Variants in NFATC2 observed in about 807,000 individuals in gnomAD.
The protein encoded by NFATC2 is nuclear factor of activated T-cells, cytoplasmic 2.
NFATC2 carries 22 observed loss-of-function variants against 87.3 expected under a neutral mutation model. That is an observed-to-expected ratio of 0.25 (90% CI 0.18 to 0.36). NFATC2 has a LOEUF of 0.36. NFATC2 is among the 10% of genes least tolerant of loss of function. The pLI is 1.00. For synonymous variants in NFATC2, 565 were observed against 542.2 expected, an observed-to-expected ratio of 1.04 and a Z score of -0.58; for missense variants, 1,149 against 1,259.1, an observed-to-expected ratio of 0.91 and a Z score of 1.32.
chr20:51,408,580 A>C (rs1247231724), intron 9 of NFATC2, among the ~76,000 whole-genome samples: 1 of 151,972 alleles, frequency 6.6e-6, no homozygotes, highest in Non-Finnish European at 1.5e-5. Context: ...GATATTTACA[A>C]CACCAACAGA....
At chr20:51,545,799 G>T (rs937068010), upstream of NFATC2, among the ~76,000 whole-genome samples, 2 of 151,168 alleles carry the variant, frequency 1.3e-5, no homozygotes, top group Non-Finnish European at 2.9e-5. Context: ...GAGGATAAAT[G>T]GATAAATGGA....
chr20:51,439,823 A>G (rs1984071491), intron 6 of NFATC2, among the ~76,000 whole-genome samples: 1 of 152,200 alleles, frequency 6.6e-6, no homozygotes, highest in Non-Finnish European at 1.5e-5. Context: ...GTGAGACCTT[A>G]GATATGGCAC....
rs77246165 is a variant in NFATC2, at chr20:51,463,610, G to A, written c.1709-8922C>T. ...GGATCACTGAGGAACCCAGGCAGCC[G>A]GGACAGAGAAAAGAAGATGGCTTTA... On this transcript the variant is annotated intron_variant, in intron 5 of 10. Transcript: ENST00000371564. 1.0e-2 allele frequency among the ~76,000 whole-genome samples: 1,521 copies of A among 152,232 alleles called. 33 individuals are homozygous for A. The highest frequency in any genetic ancestry group is 0.034 in the African/African-American group (1,418 of 41,536).
In NFATC2 at chr20:51,473,897, T is replaced by C. The variant is rs1435493157; in HGVS notation, c.1708+83A>G. ...ATTCCCGCAGGCCACCCCGGGTACC[T>C]CGCCCAGAATACACTGCTCCCGGGG... On this transcript the variant is annotated intron_variant, in intron 5 of 10. Coordinates refer to ENST00000371564, the MANE Select transcript of NFATC2 (RefSeq NM_012340.5). 10 of 1,473,598 alleles carry C rather than the reference T, an allele frequency of 6.8e-6. No homozygotes were observed. In the East Asian group the frequency reaches 2.1e-4, roughly 30 times the overall value. The allele number at this position is 1,473,598 out of a possible 1,614,324, so 91.3% of individuals were successfully genotyped here.
At chr20:51,556,380 A>G (rs2076978424) in intron 1 of NFATC2, among the ~76,000 whole-genome samples, 3 of 152,114 alleles carry the variant, frequency 2.0e-5, no homozygotes, top group Non-Finnish European at 4.4e-5. Flanking sequence ...TCGCAACTCC[A>G]TTCTCCTTTT....
chr20:51,442,871 T>C (rs1030895917), intron 6 of NFATC2, among the ~76,000 whole-genome samples: 2 of 151,804 alleles, frequency 1.3e-5, no homozygotes, highest in African/African-American at 4.8e-5. Context: ...AGATGGACCA[T>C]GTATGCCTTC....
At chr20:51,470,436 C>G (rs559129318) in intron 5 of NFATC2, among the ~76,000 whole-genome samples, 1 of 152,094 alleles carries the variant, frequency 6.6e-6, no homozygotes, top group Non-Finnish European at 1.5e-5. Context: ...CATAAGGCAC[C>G]TGCACTCCTA....
At position 51,416,850 on chromosome 20, in the gene NFATC2, G is replaced by A. The variant is rs1050772815; in HGVS notation, c.2722+15217C>T. Among the ~76,000 whole-genome samples, 4 of 152,258 alleles carry A rather than the reference G, an allele frequency of 2.6e-5. 1 individual carries two copies. On this transcript the variant is annotated intron_variant, in intron 9 of 10. Transcript: ENST00000371564. ...GCAACAGATGGGAGCTGAGCATGGGGGCCAGAGGGACAGTAGGGGCAGTAG... is the reference window on the plus strand; with the variant it reads ...GCAACAGATGGGAGCTGAGCATGGGAGCCAGAGGGACAGTAGGGGCAGTAG...
chr20:51,396,878 T>A (rs1322027660), intron 10 of NFATC2, among the ~76,000 whole-genome samples: 1 of 149,004 alleles, frequency 6.7e-6, no homozygotes, highest in Non-Finnish European at 1.5e-5. Context: ...GGCCAAGAGG[T>A]AAGTTTCCTA....
At chr20:51,562,768 T>C, upstream of NFATC2, 1 of 724,100 alleles carries the variant, frequency 1.4e-6, no homozygotes, top group Non-Finnish European at 2.2e-6. This position sits in a 1 kb window ranked among gnomAD's most constrained non-coding sequence, Gnocchi z 5.8. Context: ...ACCCGGGAGC[T>C]GCGCGCCTCC....
rs111911506 is a variant in NFATC2, at chr20:51,411,251, G to A, written c.2723-12521C>T. Among the ~76,000 whole-genome samples the A allele has an allele frequency of 9.9e-3, 1,505 of 152,182 alleles. 26 individuals are homozygous for A. The highest frequency in any genetic ancestry group is 0.034 in the African/African-American group (1,425 of 41,516). ...TGCATCCAGAAGTTCTGGTTCCAGG[G>A]CCTACCCTGGATTCCTGCCTTGCTG... On this transcript the variant is annotated intron_variant, in intron 9 of 10. Transcript: ENST00000371564.
chr20:51,438,459 A>G (rs1485538644), intron 6 of NFATC2, among the ~76,000 whole-genome samples: 3 of 151,698 alleles, frequency 2.0e-5, no homozygotes, highest in African/African-American at 7.3e-5. Flanking sequence ...AAAAAAAAAA[A>G]GATCATTTTC....
chr20:51,555,013 C>A (rs1002453003), intron 1 of NFATC2, among the ~76,000 whole-genome samples: 4 of 152,126 alleles, frequency 2.6e-5, no homozygotes, highest in African/African-American at 9.7e-5. Context: ...CTCGAGGGAA[C>A]ACAGTTTGAG....
intron 5 of NFATC2, 120 bp from the exon 6 acceptor site, chr20:51,454,808 T>C: frequency 8.8e-7 from 1 of 1,131,952 alleles, no homozygotes; most frequent in Non-Finnish European, 1.3e-6. Context: ...CCTGTTGTTA[T>C]CTAAAATGTG....
In NFATC2 at chr20:51,562,613, G is replaced by C. The variant is rs757163631; in HGVS notation, c.17C>G (p.Ala6Gly). Residue 6 changes from alanine (A) to glycine (G), a missense_variant, in exon 1 of 11, where the codon GCG becomes GGG. Coordinates refer to the NFATC2 transcript ENST00000414705. The surrounding 1 kb of genome is among the most constrained non-coding windows in gnomAD (Gnocchi z 5.8). ...GGGATGGCAGTGCCCCAGTCTGAACGCAGCCTCTCTCTGCATCTGGAGGGC... is the reference window on the plus strand; with the variant it reads ...GGGATGGCAGTGCCCCAGTCTGAACCCAGCCTCTCTCTGCATCTGGAGGGC... 3 of 1,551,104 alleles carry C rather than the reference G, an allele frequency of 1.9e-6. No homozygotes were observed. In the East Asian group the frequency reaches 7.3e-5, roughly 38 times the overall value.
chr20:51,423,104 A>G (rs555659256), intron 9 of NFATC2, among the ~76,000 whole-genome samples: 5 of 152,172 alleles, frequency 3.3e-5, no homozygotes, highest in African/African-American at 1.2e-4. Context: ...ACTGGGCAAC[A>G]TAGCAAGACC....
intron 3 of NFATC2, among the ~76,000 whole-genome samples, chr20:51,515,607 C>G (rs1041305691): frequency 2.0e-5 from 3 of 150,982 alleles, no homozygotes; most frequent in Non-Finnish European, 4.4e-5. Flanking sequence ...GGCAACACAA[C>G]AGGAAAATGG....
Position 51,441,238 on chromosome 20 carries a change from G to A in NFATC2, c.1850-5477C>T, listed in dbSNP as rs563466419. Reference sequence around the variant, plus strand: ...GTGGAGGTTGCAGTGAGCCGAGATCGCACCACTGCACTCCAGCCTGGGTGA... The same window carrying A: ...GTGGAGGTTGCAGTGAGCCGAGATCACACCACTGCACTCCAGCCTGGGTGA... On this transcript the variant is annotated intron_variant, in intron 6 of 10. Transcript: ENST00000371564. Among the ~76,000 whole-genome samples, 1,068 of 149,344 alleles carry A rather than the reference G, an allele frequency of 7.2e-3. 17 individuals are homozygous for A. Among genetic ancestry groups the A allele is most frequent in the African/African-American group, 0.025 (1,019 of 40,576 alleles).
At chr20:51,464,116 G>A (rs1987430528) in intron 5 of NFATC2, among the ~76,000 whole-genome samples, 3 of 152,186 alleles carry the variant, frequency 2.0e-5, no homozygotes, top group South Asian at 2.1e-4. Context: ...CCGGCCTACT[G>A]CTGCCTGGGT....
Sources: allele counts gnomAD v4.1 joint callset (sites outside exome capture counted in the v4.1 genomes callset), GRCh38; gene constraint gnomAD v4.1.1; non-coding constraint Gnocchi (gnomAD v3.1); transcripts MANE v1.5; gene names NCBI Gene and HGNC (gene_info 2026-07-23, HGNC 2026-07-21).